KCNIP1: variants seen among roughly 807,000 people sequenced by gnomAD.
The protein encoded by KCNIP1 is A-type potassium channel modulatory protein KCNIP1.
A neutral mutation model predicts 33.0 loss-of-function variants in KCNIP1; 18 were observed. That is an observed-to-expected ratio of 0.55 (90% confidence interval 0.38 to 0.81). KCNIP1 has a LOEUF of 0.81. KCNIP1 is among the 30% of genes least tolerant of loss of function. The pLI is 0.00. For synonymous variants in KCNIP1, 93 were observed against 98.3 expected, an observed-to-expected ratio of 0.95 and a Z score of 0.32; for missense variants, 238 against 271.6, an observed-to-expected ratio of 0.88 and a Z score of 0.87.
chr5:170,663,716 C>T (rs1052259674), intron 1 of KCNIP1, among the ~76,000 whole-genome samples: 6 of 152,088 alleles, frequency 3.9e-5, no homozygotes, highest in Non-Finnish European at 8.8e-5. Flanking sequence ...TCCTCCCCTA[C>T]ACCCCTAATC....
At chr5:170,478,567 C>T (rs1756907627) in intron 1 of KCNIP1, among the ~76,000 whole-genome samples, 1 of 152,104 alleles carries the variant, frequency 6.6e-6, no homozygotes, top group African/African-American at 2.4e-5. Context: ...CGAAGGCTTA[C>T]TGCAAGACTG....
intron 1 of KCNIP1, among the ~76,000 whole-genome samples, chr5:170,707,787 G>GTT (rs550563025): frequency 6.9e-6 from 1 of 145,384 alleles, no homozygotes; most frequent in Non-Finnish European, 1.5e-5. Context: ...ACACTCAAAG[G>GTT]TTTTTTTTTT....
intron 1 of KCNIP1, among the ~76,000 whole-genome samples, chr5:170,698,342 T>C (rs114405837): frequency 1.4e-3 from 208 of 152,356 alleles, no homozygotes; most frequent in African/African-American, 4.9e-3. Context: ...TCTATGTGGC[T>C]ATAAAGTTCA....
intron 1 of KCNIP1, among the ~76,000 whole-genome samples, chr5:170,519,175 T>C (rs189236429): frequency 9.9e-4 from 151 of 152,322 alleles, no homozygotes; most frequent in Non-Finnish European, 1.7e-3. Flanking sequence ...TCATTTATTA[T>C]TTCCATTACT....
intron 1 of KCNIP1, among the ~76,000 whole-genome samples, chr5:170,427,138 A>T (rs1333350233): frequency 6.6e-6 from 1 of 152,206 alleles, no homozygotes; most frequent in African/African-American, 2.4e-5. Flanking sequence ...GAGCCTCTGC[A>T]GGTTCACCTG....
chr5:170,551,955 AGTGTGTGTAT>A (rs1301084872), intron 1 of KCNIP1, among the ~76,000 whole-genome samples: 5 of 149,294 alleles, frequency 3.3e-5, no homozygotes, highest in African/African-American at 4.9e-5. Flanking sequence ...TGTGTGTCTG[AGTGTGTGTAT>A]GTGTTTGAGT....
At chr5:170,454,894 A>G (rs959849773) in intron 1 of KCNIP1, among the ~76,000 whole-genome samples, 1 of 152,242 alleles carries the variant, frequency 6.6e-6, no homozygotes, top group Non-Finnish European at 1.5e-5. Context: ...TCTTAAAAAA[A>G]GAAGAGATAA....
rs183026922 is a variant in KCNIP1, at chr5:170,683,332, A to T, written c.62-35426A>T. Among the ~76,000 whole-genome samples, 96 of 152,346 alleles carry T rather than the reference A, an allele frequency of 6.3e-4. 2 individuals are homozygous for T. The South Asian group carries it at 7.2e-3, about 12-fold the overall frequency. ...ATTCCTTTTATATAAGGAAGAAGAC[A>T]GATTTAGAGAAGTTAAATAAAATTT... On this transcript the variant is annotated intron_variant, in intron 1 of 7. Coordinates refer to ENST00000328939, the MANE Select transcript of KCNIP1 (RefSeq NM_014592.4).
intron 5 of KCNIP1, among the ~76,000 whole-genome samples, chr5:170,723,081 A>C (rs1310795631): frequency 6.6e-6 from 1 of 152,202 alleles, no homozygotes. Context: ...GTGGATAAAA[A>C]TGACTTGTTT....
intron 1 of KCNIP1, among the ~76,000 whole-genome samples, chr5:170,355,401 C>T (rs1379114065): frequency 6.6e-6 from 1 of 152,208 alleles, no homozygotes; most frequent in Non-Finnish European, 1.5e-5. Flanking sequence ...GGAAGGTTTT[C>T]TTTCCTCATT....
chr5:170,705,105 A>G (rs1382410829), intron 1 of KCNIP1, among the ~76,000 whole-genome samples: 1 of 152,230 alleles, frequency 6.6e-6, no homozygotes, highest in Non-Finnish European at 1.5e-5. Flanking sequence ...AGTTGCACAT[A>G]AAATATGCCC....
intron 1 of KCNIP1, among the ~76,000 whole-genome samples, chr5:170,694,872 A>G (rs890518687): frequency 2.0e-5 from 3 of 152,240 alleles, no homozygotes; most frequent in Non-Finnish European, 4.4e-5. Context: ...TTAAAGAACA[A>G]ATAATTCTGA....
At chr5:170,418,696 T>C (rs1755396583) in intron 1 of KCNIP1, among the ~76,000 whole-genome samples, 3 of 152,220 alleles carry the variant, frequency 2.0e-5, no homozygotes, top group Non-Finnish European at 2.9e-5. Context: ...ACTAACACCC[T>C]TCCCTCCAAT....
intron 1 of KCNIP1, among the ~76,000 whole-genome samples, chr5:170,380,976 A>C (rs1764215917): frequency 6.6e-6 from 1 of 152,232 alleles, no homozygotes; most frequent in East Asian, 1.9e-4. Flanking sequence ...GAACTCAAAA[A>C]AGTGGAAGAT....
intron 6 of KCNIP1, among the ~76,000 whole-genome samples, chr5:170,733,295 CT>C (rs1383265261): frequency 6.6e-6 from 1 of 152,144 alleles, no homozygotes; most frequent in African/African-American, 2.4e-5. Context: ...AGAGTTTGGC[CT>C]TGCTCTGGTA....
intron 1 of KCNIP1, among the ~76,000 whole-genome samples, chr5:170,413,115 G>A (rs536855379): frequency 9.9e-5 from 15 of 152,222 alleles, no homozygotes; most frequent in African/African-American, 3.6e-4. Flanking sequence ...AAGGAATGAT[G>A]GTGGGTAAAT....
intron 1 of KCNIP1, among the ~76,000 whole-genome samples, chr5:170,522,855 T>G (rs189011730): frequency 2.0e-5 from 3 of 152,288 alleles, no homozygotes; most frequent in Admixed American, 2.0e-4. Flanking sequence ...TGCTTAGAGT[T>G]TTCCCTCTAA....
intron 1 of KCNIP1, among the ~76,000 whole-genome samples, chr5:170,396,567 G>T (rs1310184023): frequency 1.3e-5 from 2 of 152,188 alleles, no homozygotes; most frequent in Non-Finnish European, 2.9e-5. Context: ...GCCCAGAAAG[G>T]CAGGACATCT....
At chr5:170,674,149 A>G (rs1245370029) in intron 1 of KCNIP1, among the ~76,000 whole-genome samples, 6 of 55,628 alleles carry the variant, frequency 1.1e-4, no homozygotes, top group African/African-American at 6.2e-4. Flanking sequence ...GGAAGGAAGG[A>G]AGGAAGGAAG....
Sources: allele counts gnomAD v4.1 joint callset (sites outside exome capture counted in the v4.1 genomes callset), GRCh38; gene constraint gnomAD v4.1.1; transcripts MANE v1.5; gene names NCBI Gene and HGNC (gene_info 2026-07-23, HGNC 2026-07-21).